Variants in DDHD1 observed in about 807,000 individuals in gnomAD.
DDHD1 encodes DDHD domain containing 1.
In DDHD1, 49 loss-of-function variants were observed where a neutral mutation model predicts 96.4. That is an observed-to-expected ratio of 0.51 (90% CI 0.40 to 0.64). The LOEUF (loss-of-function observed/expected upper bound fraction) is 0.64, where lower values mean the gene tolerates loss of function less well. DDHD1 is among the 30% of genes least tolerant of loss of function. DDHD1 has a pLI of 0.00. For missense variants in DDHD1, 1,106 were observed against 1,161.2 expected, an observed-to-expected ratio of 0.95 and a Z score of 0.69; for synonymous variants, 442 against 446.5, an observed-to-expected ratio of 0.99 and a Z score of 0.13.
chr14:53,055,877 G>A lies in DDHD1; in HGVS notation c.2028C>T (p.Tyr676=). 1.1e-5 allele frequency: 18 copies of A among 1,613,342 alleles called. No homozygotes were observed. Among genetic ancestry groups the A allele is most frequent in the Non-Finnish European group, 1.5e-5 (18 of 1,179,528 alleles). Reference sequence around the variant, plus strand: ...GGATCTGGACAGGTGAAATGTTGCTGTAGTGTTTCAGTATTAATGGTTCTA... The same window carrying A: ...GGATCTGGACAGGTGAAATGTTGCTATAGTGTTTCAGTATTAATGGTTCTA... ...YRLEPLILKH[Y]SNISPVQIHW... The change falls in exon 10 of 13, where the codon TAC becomes TAT. Residue 676 remains tyrosine, a synonymous_variant. Coordinates refer to ENST00000673822, the MANE Select transcript of DDHD1 (RefSeq NM_001160148.2).
rs200797826 is a variant in DDHD1 at position 53,152,762 on chromosome 14, T to C, written c.337A>G (p.Ser113Gly). The C allele has an allele frequency of 8.8e-5, 138 of 1,576,550 alleles. 4 individuals carry two copies. In the East Asian group the frequency reaches 3.0e-3, roughly 34 times the overall value. Residue 113 changes from serine to glycine, a missense_variant, in exon 1 of 13, where the codon AGC becomes GGC. Physicochemically the swap from Ser to Gly is moderately conservative, Grantham distance 56 (BLOSUM62 0). Around this residue, in one of 2 missense-constraint regions of DDHD1, gnomAD observed 456 missense variants for 402.4 expected, o/e 1.13. Transcript: ENST00000673822. The part of the protein sequence containing the change: ...YSEGESGGGG[S>G]SLSLHPPQQP... Reference sequence around the variant, plus strand: ...TGCGGCGGGTGCAGCGACAAGGAGCTGCCGCCGCCGCCGCTCTCACCCTCG... The same window carrying C: ...TGCGGCGGGTGCAGCGACAAGGAGCCGCCGCCGCCGCCGCTCTCACCCTCG...
chr14:53,065,257 G>A (rs958900358), intron 6 of DDHD1, among the ~76,000 whole-genome samples: 1 of 152,174 alleles, frequency 6.6e-6, no homozygotes, highest in Non-Finnish European at 1.5e-5. Context: ...TATGGCTGAG[G>A]AATAGAGTTA....
intron 1 of DDHD1, among the ~76,000 whole-genome samples, chr14:53,123,403 C>T (rs1889164131): frequency 6.6e-6 from 1 of 152,038 alleles, no homozygotes; most frequent in South Asian, 2.1e-4. Flanking sequence ...CGACCTCGGC[C>T]ACCCAAAGTG....
At chr14:53,098,895 T>C (rs925120529) in intron 2 of DDHD1, among the ~76,000 whole-genome samples, 1 of 152,112 alleles carries the variant, frequency 6.6e-6, no homozygotes, top group African/African-American at 2.4e-5. Context: ...CTGTGATTTT[T>C]ATAGTCAGGT....
intron 6 of DDHD1, among the ~76,000 whole-genome samples, chr14:53,066,704 C>A (rs1023005091): frequency 6.6e-6 from 1 of 152,128 alleles, no homozygotes; most frequent in African/African-American, 2.4e-5. Flanking sequence ...CAGTGGCTCA[C>A]GCCTGTAATC....
At chr14:53,055,410 G>A (rs1423855140) in intron 10 of DDHD1, among the ~76,000 whole-genome samples, 1 of 152,134 alleles carries the variant, frequency 6.6e-6, no homozygotes, top group African/African-American at 2.4e-5. Flanking sequence ...TAAAATGAGG[G>A]ACTTGATTCT....
chr14:53,057,788 T>C (rs1049780413), intron 9 of DDHD1, among the ~76,000 whole-genome samples: 2 of 152,180 alleles, frequency 1.3e-5, no homozygotes, highest in African/African-American at 4.8e-5. Flanking sequence ...AAAACACACG[T>C]TTAATAATCA....
At chr14:53,097,664 T>G (rs1886985669) in intron 2 of DDHD1, among the ~76,000 whole-genome samples, 1 of 151,898 alleles carries the variant, frequency 6.6e-6, no homozygotes, top group Admixed American at 6.6e-5. Context: ...GTAGTAAAAC[T>G]AACGTGAACC....
intron 1 of DDHD1, among the ~76,000 whole-genome samples, chr14:53,124,708 A>G (rs542264805): frequency 1.0e-3 from 152 of 152,336 alleles, no homozygotes; most frequent in African/African-American, 3.5e-3. Flanking sequence ...GGGTTTTAAA[A>G]CCTGCATATA....
At chr14:53,082,849 A>G (rs767859576) in intron 4 of DDHD1, among the ~76,000 whole-genome samples, 12 of 152,092 alleles carry the variant, frequency 7.9e-5, no homozygotes, top group Non-Finnish European at 1.5e-4. Flanking sequence ...AGCACACCAC[A>G]GTCTTGAACT....
chr14:53,095,699 G>A (rs1021730379), intron 2 of DDHD1, among the ~76,000 whole-genome samples: 1 of 152,028 alleles, frequency 6.6e-6, no homozygotes, highest in Non-Finnish European at 1.5e-5. Flanking sequence ...AAAATCTTTT[G>A]CAAGGGTTTA....
chr14:53,053,864 AC>A (rs889747694), intron 11 of DDHD1: 2 of 152,202 alleles, frequency 1.3e-5, no homozygotes, highest in African/African-American at 4.8e-5. Flanking sequence ...TTCTAAGTCC[AC>A]CGGAGAAAGC....
chr14:53,067,915 C>T (rs1884179355), intron 6 of DDHD1, among the ~76,000 whole-genome samples: 1 of 152,122 alleles, frequency 6.6e-6, no homozygotes, highest in South Asian at 2.1e-4. Flanking sequence ...AACACATAAA[C>T]CGTCACCTTT....
At position 53,059,305 on chromosome 14, in the gene DDHD1, T is replaced by C. The variant is rs768557533; in HGVS notation, c.1843-679A>G. Among the ~76,000 whole-genome samples, 54 of 152,098 alleles carry C rather than the reference T, an allele frequency of 3.6e-4. 1 individual carries two copies. Among genetic ancestry groups the C allele is most frequent in the Non-Finnish European group, 4.9e-4 (33 of 67,976 alleles). On this transcript the variant is annotated intron_variant, in intron 8 of 12. Coordinates refer to ENST00000673822, the MANE Select transcript of DDHD1 (RefSeq NM_001160148.2). The stretch of plus-strand genomic sequence containing the variant: ...TGTCACCCAGGCTGGAGTGCAGTAG[T>C]GCGATCTCAGCTCACTGCAAGCTCC...
intron 6 of DDHD1, among the ~76,000 whole-genome samples, chr14:53,065,575 G>A (rs1024483613): frequency 6.6e-6 from 1 of 152,270 alleles, no homozygotes; most frequent in Middle Eastern, 3.4e-3. Context: ...AAAGTCATCT[G>A]AGAAGTACTG....
rs754487283 is a variant in DDHD1, at chr14:53,103,855, C to G, written c.840G>C (p.Gln280His). The G allele has an allele frequency of 2.5e-6, 4 of 1,588,094 alleles. No homozygotes were observed. The South Asian group carries it at 3.5e-5, about 14-fold the overall frequency. The change falls in exon 2 of 13, where the codon CAG becomes CAC. Residue 280 changes from glutamine (Q) to histidine (H), a missense_variant and splice_region_variant. Transcript: ENST00000673822. ...CACGCATTACTGGTATTTTATCAGCCTCTGAAAAAGAGAAATCACAGAATT... is the reference window on the plus strand; with the variant it reads ...CACGCATTACTGGTATTTTATCAGCGTCTGAAAAAGAGAAATCACAGAATT... Reference protein sequence around the residue: ...QGECYPVYWNQADKIPVMRGQ... With the variant: ...QGECYPVYWNHADKIPVMRGQ...
intron 12 of DDHD1, among the ~76,000 whole-genome samples, chr14:53,050,919 G>A (rs1455276947): frequency 6.6e-6 from 1 of 151,846 alleles, no homozygotes; most frequent in Non-Finnish European, 1.5e-5. Context: ...AACCAAAAAT[G>A]CAAAAAACAT....
At position 53,043,864 on chromosome 14, in the gene DDHD1, T is replaced by G. The variant is rs1881830817; in HGVS notation, c.*2904A>C. 1 of 152,188 alleles carries G rather than the reference T, an allele frequency of 6.6e-6. No individual in the cohort carries two copies. Among genetic ancestry groups the G allele is most frequent in the Non-Finnish European group, 1.5e-5 (1 of 68,032 alleles). 9.4% of individuals were successfully genotyped at this position (152,188 alleles called of 1,614,324 possible). Reference sequence around the variant, plus strand: ...TTTTAAAGTAAAAATAAAGCAAGATTTAATCTAAGTCTTATTCTAACGGTT... The same window carrying G: ...TTTTAAAGTAAAAATAAAGCAAGATGTAATCTAAGTCTTATTCTAACGGTT... On this transcript the variant is annotated 3_prime_UTR_variant, in exon 13 of 13. Coordinates refer to ENST00000673822, the MANE Select transcript of DDHD1 (RefSeq NM_001160148.2).
intron 7 of DDHD1, among the ~76,000 whole-genome samples, chr14:53,062,598 C>A (rs1883682424): frequency 6.6e-6 from 1 of 151,938 alleles, no homozygotes; most frequent in African/African-American, 2.4e-5. Flanking sequence ...CTCAAAAGGT[C>A]AGTAAAACTA....
Sources: gnomAD v4.1 joint callset for allele counts (sites outside exome capture counted in the v4.1 genomes callset) on GRCh38, gnomAD v4.1.1 for gene constraint, gnomAD v4.1.1 regional missense constraint, MANE v1.5 for transcripts, NCBI Gene and HGNC (gene_info 2026-07-23, HGNC 2026-07-21) for gene names.